Variants in EML6 observed in about 807,000 individuals in gnomAD.
EML6 encodes EMAP like 6.
Under a neutral mutation model 240.1 loss-of-function variants are expected in EML6, and 154 were observed. The ratio of observed to expected loss-of-function variants is 0.64; its 90% confidence interval spans 0.56 to 0.73. EML6 has a LOEUF of 0.73. EML6 is among the 30% of genes least tolerant of loss of function. The probability of loss-of-function intolerance (pLI) is 0.00; values close to 1 mark genes in which losing one functional copy is unlikely to be tolerated. For synonymous variants in EML6, 1,148 were observed against 899.0 expected (o/e 1.28, Z -4.95); for missense variants, 2,964 against 2,474.6 (o/e 1.20, Z -4.20).
At chr2:54,841,101 G>T (rs576391288) in intron 7 of EML6, among the ~76,000 whole-genome samples, 51 of 22,726 alleles carry the variant, frequency 2.2e-3, no homozygotes, top group African/African-American at 8.8e-3. Flanking sequence ...GGACAAGGAG[G>T]GGGGGCTGTG....
Position 54,895,000 on chromosome 2 carries a change from G to T in EML6, c.2828G>T (p.Arg943Ile). 3 of 1,551,388 alleles carry T rather than the reference G, an allele frequency of 1.9e-6. No homozygotes were observed. The highest frequency in any genetic ancestry group is 2.6e-6 in the Non-Finnish European group (3 of 1,146,638). The part of the protein sequence containing the change: ...ERCLKTYAIK[R>I]SALSTSSKGL... Reference sequence around the variant, plus strand: ...TGTTTGAAGACTTATGCCATTAAAAGATCAGCATTGTCGACTAGCTCAAAA... The same window carrying T: ...TGTTTGAAGACTTATGCCATTAAAATATCAGCATTGTCGACTAGCTCAAAA... Residue 943 changes from arginine to isoleucine, a missense_variant, in exon 20 of 42, where the codon AGA becomes ATA. Transcript: ENST00000356458.
intron 17 of EML6, chr2:54,880,415 T>C (rs1316154285): frequency 6.6e-6 from 1 of 152,252 alleles, no homozygotes; most frequent in Non-Finnish European, 1.5e-5. Flanking sequence ...TTGAAGTTAA[T>C]AGCCTTGAAC....
At chr2:54,905,527 G>A (rs1270510821) in intron 24 of EML6, among the ~76,000 whole-genome samples, 2 of 152,174 alleles carry the variant, frequency 1.3e-5, no homozygotes, top group Admixed American at 6.5e-5. Context: ...TAATTATTTT[G>A]AATTGTGAAG....
In EML6 at chr2:54,968,670, C is replaced by T. The variant is rs1676855619; in HGVS notation, c.5754C>T (p.Ala1918=). 2 of 1,547,886 alleles carry T rather than the reference C, an allele frequency of 1.3e-6. No individual in the cohort carries two copies. The highest frequency in any genetic ancestry group is 2.7e-5 in the African/African-American group (2 of 73,068). The change falls in exon 41 of 42, where the codon GCC becomes GCT. Residue 1918 remains alanine (A), a splice_region_variant and synonymous_variant. Transcript: ENST00000356458. ...LFDFPCTEKF[A]KHKRYFGHSA... ...TCTCCATTCACTTTTGCTCACAGGC[C>T]AAACATAAGCGATACTTCGGTCACT...
At position 54,928,527 on chromosome 2, in the gene EML6, C is replaced by T. The variant is rs1674681640; in HGVS notation, c.3877+13C>T. On this transcript the variant is annotated intron_variant, in intron 27 of 41. Transcript: ENST00000356458. ...GAAGAGGATGGAGGTGAGCCCCCCA[C>T]CTGCCACATGCCTCCTGCGCCGAAT... 6.5e-7 allele frequency: 1 copy of T among 1,544,590 alleles called. No individual in the cohort carries two copies. The highest frequency in any genetic ancestry group is 2.0e-5 in the Admixed American group (1 of 50,792).
At chr2:54,885,586 G>C (rs1672083597) in intron 17 of EML6, among the ~76,000 whole-genome samples, 1 of 151,880 alleles carries the variant, frequency 6.6e-6, no homozygotes, top group African/African-American at 2.4e-5. Context: ...ATGTATCCTA[G>C]CTCCAATATC....
chr2:54,930,953 CTTT>C (rs34403438), intron 28 of EML6, among the ~76,000 whole-genome samples: 105 of 104,622 alleles, frequency 1.0e-3, no homozygotes, highest in African/African-American at 3.7e-3. Context: ...CCGTAGGCAT[CTTT>C]TTTTTTTTTT....
intron 2 of EML6, among the ~76,000 whole-genome samples, chr2:54,793,301 A>G (rs775307219): frequency 2.6e-5 from 4 of 151,484 alleles, no homozygotes; most frequent in Admixed American, 2.0e-4. Flanking sequence ...TTTGCAGGGC[A>G]GTAGAGGGGA....
chr2:54,806,212 C>T (rs902383664), intron 2 of EML6, among the ~76,000 whole-genome samples: 4 of 152,018 alleles, frequency 2.6e-5, no homozygotes, highest in Non-Finnish European at 5.9e-5. Context: ...TGATCTTGTC[C>T]ATTCCAAATG....
At chr2:54,766,081 T>C (rs1487844577) in intron 2 of EML6, among the ~76,000 whole-genome samples, 1 of 152,180 alleles carries the variant, frequency 6.6e-6, no homozygotes, top group African/African-American at 2.4e-5. Flanking sequence ...TCCACATGTA[T>C]ATGTATGTAG....
intron 21 of EML6, among the ~76,000 whole-genome samples, chr2:54,895,727 C>A (rs1006312998): frequency 2.6e-5 from 4 of 152,264 alleles, no homozygotes; most frequent in Middle Eastern, 3.4e-3. Context: ...TCCAAGCTCA[C>A]TCATGTTGTT....
At chr2:54,912,801 G>C (rs957405214) in intron 25 of EML6, among the ~76,000 whole-genome samples, 8 of 152,188 alleles carry the variant, frequency 5.3e-5, no homozygotes, top group African/African-American at 1.2e-4. Context: ...CCTTTATCCA[G>C]TTGGTCACTG....
intron 2 of EML6, among the ~76,000 whole-genome samples, chr2:54,754,661 T>G (rs188223795): frequency 6.6e-6 from 1 of 152,338 alleles, no homozygotes; most frequent in East Asian, 1.9e-4. Flanking sequence ...TGATCAGACA[T>G]TCTTTATTTA....
At chr2:54,906,265 A>T (rs1673323899) in intron 24 of EML6, among the ~76,000 whole-genome samples, 1 of 152,108 alleles carries the variant, frequency 6.6e-6, no homozygotes, top group African/African-American at 2.4e-5. Flanking sequence ...ATTTGCGTTT[A>T]GGGAGTTTGT....
chr2:54,897,151 C>T (rs1573096908), intron 21 of EML6, among the ~76,000 whole-genome samples: 1 of 152,154 alleles, frequency 6.6e-6, no homozygotes, highest in Admixed American at 6.5e-5. Context: ...TGCTATATTG[C>T]TAGATATTTT....
At chr2:54,879,763 G>A in intron 17 of EML6, 123 bp downstream of exon 17, 2 of 666,204 alleles carry the variant, frequency 3.0e-6, no homozygotes, top group Non-Finnish European at 5.2e-6. Context: ...AGAAGGCTTA[G>A]CACCTAAGTG....
At chr2:54,853,201 C>T (rs1441106705) in intron 10 of EML6, among the ~76,000 whole-genome samples, 1 of 152,022 alleles carries the variant, frequency 6.6e-6, no homozygotes, top group African/African-American at 2.4e-5. Flanking sequence ...GCGTTGGTGA[C>T]TAAACATGAT....
intron 2 of EML6, among the ~76,000 whole-genome samples, chr2:54,777,539 A>T (rs1668653840): frequency 6.6e-6 from 1 of 152,084 alleles, no homozygotes; most frequent in South Asian, 2.1e-4. Context: ...CACTGGTATG[A>T]TCTTGCTTTG....
rs112657205 is a variant in EML6, at chr2:54,809,719, CT to C, written c.198-3512del. Among the ~76,000 whole-genome samples, 40 of 151,476 alleles carry C rather than the reference CT, an allele frequency of 2.6e-4. 1 individual carries two copies. The highest frequency in any genetic ancestry group is 8.7e-4 in the African/African-American group (36 of 41,468). On this transcript the variant is annotated intron_variant, in intron 2 of 41. Transcript: ENST00000356458. Reference sequence around the variant, plus strand: ...TTAAATAAATACTTATTAAATAAATCTGTAACTCCACCATTATTGATACCTT... The same window carrying C: ...TTAAATAAATACTTATTAAATAAATCGTAACTCCACCATTATTGATACCTT...
Sources: allele counts gnomAD v4.1 joint callset (sites outside exome capture counted in the v4.1 genomes callset), GRCh38; gene constraint gnomAD v4.1.1; transcripts MANE v1.5; gene names NCBI Gene and HGNC (gene_info 2026-07-23, HGNC 2026-07-21).